The following GRID2 variants were observed in gnomAD, a reference collection of about 807,000 sequenced individuals.
GRID2 encodes the protein glutamate ionotropic receptor delta type subunit 2.
A neutral mutation model predicts 114.8 loss-of-function variants in GRID2; 33 were observed. That is an observed-to-expected ratio of 0.29 (90% CI 0.22 to 0.38). The LOEUF (loss-of-function observed/expected upper bound fraction) is 0.38. GRID2 is among the 10% of genes least tolerant of loss of function. The probability of loss-of-function intolerance (pLI) is 1.00; values close to 1 mark genes in which losing one functional copy is unlikely to be tolerated. For missense variants in GRID2, 1,184 were observed against 1,257.7 expected, an observed-to-expected ratio of 0.94 and a Z score of 0.89; for synonymous variants, 505 against 449.9, an observed-to-expected ratio of 1.12 and a Z score of -1.55.
Position 93,089,094 on chromosome 4 carries a change from T to G in GRID2, c.529+3815T>G, listed in dbSNP as rs1353339382. Reference sequence around the variant, plus strand: ...TTTACAAATGAAAAAGCTGAAGTAGTGGGAGGTCAGGTAACTTCCAGTAAG... The same window carrying G: ...TTTACAAATGAAAAAGCTGAAGTAGGGGGAGGTCAGGTAACTTCCAGTAAG... On this transcript the variant is annotated intron_variant, in intron 3 of 15. Coordinates refer to ENST00000282020, the MANE Select transcript of GRID2 (RefSeq NM_001510.4). Among the ~76,000 whole-genome samples, 5 of 152,222 alleles carry G rather than the reference T, an allele frequency of 3.3e-5. No individual in the cohort carries two copies. In the South Asian group the frequency reaches 1.0e-3, roughly 32 times the overall value.
chr4:93,173,971 A>G (rs1190764573), intron 4 of GRID2, among the ~76,000 whole-genome samples: 1 of 152,164 alleles, frequency 6.6e-6, no homozygotes, highest in East Asian at 1.9e-4. Flanking sequence ...TTTAGAGGTA[A>G]TTAAAAATTC....
At chr4:92,935,127 A>G (rs542923650) in intron 2 of GRID2, among the ~76,000 whole-genome samples, 5 of 146,360 alleles carry the variant, frequency 3.4e-5, no homozygotes, top group African/African-American at 7.3e-5. Context: ...GAAAATTTTC[A>G]CAACCTACTC....
chr4:93,567,525 T>C (rs1312327597), intron 13 of GRID2, among the ~76,000 whole-genome samples: 3 of 152,222 alleles, frequency 2.0e-5, no homozygotes, highest in Non-Finnish European at 4.4e-5. Context: ...TGAAGGCATA[T>C]CTCTTAAAAT....
intron 14 of GRID2, among the ~76,000 whole-genome samples, chr4:93,701,386 A>T (rs1041344994): frequency 2.0e-5 from 3 of 152,174 alleles, no homozygotes; most frequent in African/African-American, 7.2e-5. Flanking sequence ...ATTCTATAGA[A>T]CATATGCTAT....
At chr4:92,754,443 A>G (rs1200046087) in intron 2 of GRID2, among the ~76,000 whole-genome samples, 1 of 152,126 alleles carries the variant, frequency 6.6e-6, no homozygotes. Context: ...AAACTATAGG[A>G]TCAAAACTAT....
intron 1 of GRID2, among the ~76,000 whole-genome samples, chr4:92,520,804 A>G (rs1724731822): frequency 6.6e-6 from 1 of 151,920 alleles, no homozygotes; most frequent in African/African-American, 2.4e-5. Flanking sequence ...CAATGGCATC[A>G]TTGTGTCTCA....
At chr4:92,534,193 A>G (rs768942867) in intron 1 of GRID2, among the ~76,000 whole-genome samples, 2 of 152,108 alleles carry the variant, frequency 1.3e-5, no homozygotes, top group Non-Finnish European at 2.9e-5. Context: ...GTTTGATCTA[A>G]GGTCATCTTT....
In GRID2 at chr4:92,917,153, G is replaced by A. The variant is rs544824661; in HGVS notation, c.245-167842G>A. On this transcript the variant is annotated intron_variant, in intron 2 of 15. Coordinates refer to ENST00000282020, the MANE Select transcript of GRID2 (RefSeq NM_001510.4). ...TCATGTGTCTTTTGGCGGAATAAAT[G>A]TCTTCTTTTGAGAAGTGTCTGTTCA... Among the ~76,000 whole-genome samples, 9 of 152,314 alleles carry A rather than the reference G, an allele frequency of 5.9e-5. No individual in the cohort carries two copies. In the South Asian group the frequency reaches 1.7e-3, roughly 28 times the overall value.
chr4:93,283,539 A>T (rs1337540546), intron 8 of GRID2, among the ~76,000 whole-genome samples: 1 of 152,060 alleles, frequency 6.6e-6, no homozygotes, highest in Non-Finnish European at 1.5e-5. Flanking sequence ...ATGTGTATTT[A>T]AAAAATGCCA....
At chr4:93,708,616 A>G (rs1728211665) in intron 14 of GRID2, among the ~76,000 whole-genome samples, 1 of 151,696 alleles carries the variant, frequency 6.6e-6, no homozygotes, top group African/African-American at 2.4e-5. Flanking sequence ...TTTTTAATCT[A>G]TTTATCCACG....
intron 8 of GRID2, among the ~76,000 whole-genome samples, chr4:93,279,844 T>C (rs555319900): frequency 2.0e-4 from 31 of 152,058 alleles, no homozygotes; most frequent in African/African-American, 7.0e-4. Context: ...ATCAGGATCT[T>C]AGTATGAGTA....
chr4:93,643,856 A>G (rs59987392), intron 14 of GRID2, among the ~76,000 whole-genome samples: 33 of 85,116 alleles, frequency 3.9e-4, no homozygotes, highest in African/African-American at 4.5e-4. Flanking sequence ...TCGAGCTTCC[A>G]GGCTGCTTTG....
intron 1 of GRID2, among the ~76,000 whole-genome samples, chr4:92,444,822 A>G (rs1051314368): frequency 6.6e-6 from 1 of 152,182 alleles, no homozygotes; most frequent in Admixed American, 6.5e-5. Flanking sequence ...TTGCCCTTAC[A>G]TATTTTTGGA....
downstream of GRID2, among the ~76,000 whole-genome samples, chr4:93,778,346 T>C (rs1290339182): frequency 4.0e-5 from 6 of 151,692 alleles, no homozygotes; most frequent in Non-Finnish European, 7.4e-5. Flanking sequence ...CACACTAAAA[T>C]TAAGCTGAAA....
chr4:93,683,729 A>G (rs914754302), intron 14 of GRID2, among the ~76,000 whole-genome samples: 2 of 152,072 alleles, frequency 1.3e-5, no homozygotes, highest in African/African-American at 4.8e-5. Context: ...GTACTTATGA[A>G]TTTTTGTGTA....
chr4:93,064,908 C>T (rs986108069), intron 2 of GRID2, among the ~76,000 whole-genome samples: 5 of 151,602 alleles, frequency 3.3e-5, no homozygotes, highest in Non-Finnish European at 7.4e-5. Flanking sequence ...GTGCTTATTC[C>T]AAGTAGATTG....
chr4:92,408,573 T>C (rs960558058), intron 1 of GRID2, among the ~76,000 whole-genome samples: 25 of 151,328 alleles, frequency 1.7e-4, no homozygotes, highest in African/African-American at 5.8e-4. Context: ...TTGGGCAGTA[T>C]GGCCATTTTA....
intron 1 of GRID2, among the ~76,000 whole-genome samples, chr4:92,483,115 G>A (rs955575757): frequency 1.4e-4 from 22 of 152,060 alleles, no homozygotes; most frequent in Non-Finnish European, 2.9e-4. Flanking sequence ...TGAGGTGGGC[G>A]GATCACAAGG....
At chr4:92,775,291 T>C (rs1738736753) in intron 2 of GRID2, among the ~76,000 whole-genome samples, 1 of 152,184 alleles carries the variant, frequency 6.6e-6, no homozygotes, top group African/African-American at 2.4e-5. Flanking sequence ...GCTCACTGTT[T>C]TGCAAGACAT....
Sources: allele counts gnomAD v4.1 joint callset (sites outside exome capture counted in the v4.1 genomes callset), GRCh38; gene constraint gnomAD v4.1.1; transcripts MANE v1.5; gene names NCBI Gene and HGNC (gene_info 2026-07-23, HGNC 2026-07-21).